The following SPATA3 variants were observed in gnomAD, a reference collection of about 807,000 sequenced individuals.
SPATA3 encodes spermatogenesis associated 3.
In SPATA3, 6 loss-of-function variants were observed where a neutral mutation model predicts 5.7. The ratio of observed to expected loss-of-function variants is 1.06; its 90% CI spans 0.58 to 2.09. SPATA3 has a LOEUF of 2.09. Among genes scored for constraint, SPATA3 ranks in the 30% most tolerant of loss-of-function variants. The pLI, the probability that SPATA3 is intolerant of heterozygous loss-of-function variation, is 0.00. For synonymous variants in SPATA3, 44 were observed against 48.4 expected (o/e 0.91, Z 0.37); for missense variants, 155 against 130.4 (o/e 1.19, Z -0.92).
intron 1 of SPATA3, 36 bp downstream of exon 1, chr2:230,996,570 C>A: frequency 6.5e-7 from 1 of 1,543,352 alleles, no homozygotes; most frequent in Non-Finnish European, 8.8e-7. Flanking sequence ...TTCCAGCCTT[C>A]CTGCTGATGG....
downstream of SPATA3, among the ~76,000 whole-genome samples, chr2:231,009,663 T>C (rs900304037): frequency 2.6e-5 from 4 of 152,244 alleles, no homozygotes; most frequent in East Asian, 7.7e-4. Context: ...AAACTGCACA[T>C]GCTAAACGAC....
At chr2:231,016,211 A>G (rs1692930863) in intron 6 of SPATA3, among the ~76,000 whole-genome samples, 1 of 152,130 alleles carries the variant, frequency 6.6e-6, no homozygotes. Flanking sequence ...CCTCTAAATG[A>G]GTCAATTCCA....
downstream of SPATA3, chr2:231,002,923 C>T (rs1172522732): frequency 5.9e-6 from 3 of 505,888 alleles, no homozygotes; most frequent in Non-Finnish European, 1.0e-5. Flanking sequence ...GAGTGACTCC[C>T]TCCTGGCCTC....
At chr2:231,016,554 G>A (rs569472764) in intron 6 of SPATA3, among the ~76,000 whole-genome samples, 144 of 151,920 alleles carry the variant, frequency 9.5e-4, no homozygotes, top group African/African-American at 3.4e-3. Flanking sequence ...GTGTGGTGGC[G>A]GGCACCAATA....
chr2:231,012,365 GA>G (rs747891897), intron 4 of SPATA3, among the ~76,000 whole-genome samples: 2 of 152,218 alleles, frequency 1.3e-5, no homozygotes, highest in Non-Finnish European at 2.9e-5. Context: ...AGCTCCAGAA[GA>G]AGCTCACCTT....
intron 1 of SPATA3, among the ~76,000 whole-genome samples, chr2:230,998,183 AC>A (rs922806692): frequency 3.1e-4 from 47 of 152,214 alleles, no homozygotes; most frequent in African/African-American, 1.0e-3. Flanking sequence ...GCCACAGTTT[AC>A]CCCCCGGGAT....
At chr2:231,016,397 C>G (rs1197596060) in intron 6 of SPATA3, among the ~76,000 whole-genome samples, 1 of 151,752 alleles carries the variant, frequency 6.6e-6, no homozygotes, top group Admixed American at 6.6e-5. Flanking sequence ...ATTTCAAAGA[C>G]TAGGTCCTGG....
downstream of SPATA3, among the ~76,000 whole-genome samples, chr2:231,011,506 GT>G (rs1196617727): frequency 2.0e-5 from 3 of 152,156 alleles, no homozygotes; most frequent in African/African-American, 4.8e-5. Context: ...TGTCTGGTCT[GT>G]CCAGTCCACT....
chr2:231,000,308 CCCG>C, intron 1 of SPATA3, 55 bp from the exon 2 acceptor site: 1 of 1,387,880 alleles, frequency 7.2e-7, no homozygotes, highest in Admixed American at 3.1e-5. Context: ...TCCAGACTCC[CCCG>C]CCCCAGCCTC....
downstream of SPATA3, among the ~76,000 whole-genome samples, chr2:231,005,721 T>C (rs564033640): frequency 1.8e-4 from 27 of 151,848 alleles, no homozygotes; most frequent in African/African-American, 6.5e-4. Flanking sequence ...ATCCCTTCAA[T>C]TAATCTTTAC....
downstream of SPATA3, among the ~76,000 whole-genome samples, chr2:231,011,085 A>AAAAAAAAAAAAG (rs568384228): frequency 6.8e-6 from 1 of 146,088 alleles, no homozygotes; most frequent in African/African-American, 2.7e-5. Context: ...AAAAAAAAAA[A>AAAAAAAAAAAAG]AAAAGAAAAG....
intron 6 of SPATA3, among the ~76,000 whole-genome samples, chr2:231,015,227 G>A (rs995562335): frequency 8.3e-5 from 12 of 144,884 alleles, no homozygotes; most frequent in Non-Finnish European, 1.4e-4. Context: ...ATCAGCGCCC[G>A]CCACCACACC....
At chr2:231,007,770 T>C (rs1692679869), downstream of SPATA3, among the ~76,000 whole-genome samples, 1 of 152,216 alleles carries the variant, frequency 6.6e-6, no homozygotes, top group Non-Finnish European at 1.5e-5. Context: ...GGTGCGATTC[T>C]ACCTCTAGCT....
chr2:231,006,675 C>T (rs896807052), downstream of SPATA3: 2 of 152,160 alleles, frequency 1.3e-5, no homozygotes, highest in African/African-American at 4.8e-5. Context: ...ATCTTGTAGG[C>T]TCAGCTCTTA....
chr2:231,008,594 G>C (rs17619398), downstream of SPATA3, among the ~76,000 whole-genome samples: 1 of 151,820 alleles, frequency 6.6e-6, no homozygotes, highest in Non-Finnish European at 1.5e-5. Flanking sequence ...TGGGAGTTGC[G>C]TGGGGTCGTG....
At chr2:231,011,052 G>A (rs1692768374), downstream of SPATA3, among the ~76,000 whole-genome samples, 1 of 99,368 alleles carries the variant, frequency 1.0e-5, no homozygotes, top group African/African-American at 4.1e-5. Flanking sequence ...CAGCCTGGGT[G>A]ACAAAAGGAG....
intron 1 of SPATA3, among the ~76,000 whole-genome samples, chr2:230,997,562 A>G (rs1407210678): frequency 6.6e-6 from 1 of 152,254 alleles, no homozygotes; most frequent in African/African-American, 2.4e-5. Context: ...TTGCATGGGC[A>G]TCCTATATTT....
chr2:231,013,341 C>T (rs1559201548), intron 5 of SPATA3, among the ~76,000 whole-genome samples: 1 of 152,218 alleles, frequency 6.6e-6, no homozygotes, highest in Admixed American at 6.5e-5. Flanking sequence ...TTTTGCTCAT[C>T]ATAATATTTT....
chr2:231,009,315 A>G (rs148649667), downstream of SPATA3, among the ~76,000 whole-genome samples: 25 of 152,288 alleles, frequency 1.6e-4, no homozygotes, highest in East Asian at 4.2e-3. Context: ...TCAAGTGGCC[A>G]GGAGAGAGAA....
Sources: gnomAD v4.1 joint callset for allele counts (sites outside exome capture counted in the v4.1 genomes callset) on GRCh38, gnomAD v4.1.1 for gene constraint, MANE v1.5 for transcripts, NCBI Gene and HGNC (gene_info 2026-07-23, HGNC 2026-07-21) for gene names.